Variants in OSBPL3 observed in about 807,000 individuals in gnomAD.
The protein encoded by OSBPL3 is oxysterol-binding protein-related protein 3.
Under a neutral mutation model 120.1 loss-of-function variants are expected in OSBPL3, and 65 were observed. The ratio of observed to expected loss-of-function variants is 0.54; its 90% CI spans 0.44 to 0.67. The LOEUF (loss-of-function observed/expected upper bound fraction) is 0.67, where lower values mean the gene tolerates loss of function less well. Among genes scored for constraint, OSBPL3 ranks in the 30% least tolerant of loss-of-function variants. OSBPL3 has a pLI of 0.00. For missense variants in OSBPL3, 1,004 were observed against 1,082.1 expected (o/e 0.93, Z 1.01); for synonymous variants, 416 against 402.6 (o/e 1.03, Z -0.40).
intron 19 of OSBPL3, among the ~76,000 whole-genome samples, chr7:24,811,806 A>C (rs1032017979): frequency 6.6e-6 from 1 of 152,208 alleles, no homozygotes. Flanking sequence ...CCAATTAATT[A>C]TAAATGCATG....
chr7:24,840,275 G>A (rs746190016), intron 14 of OSBPL3, among the ~76,000 whole-genome samples: 40 of 152,030 alleles, frequency 2.6e-4, no homozygotes, highest in South Asian at 2.1e-4. Flanking sequence ...CAGTCCACTC[G>A]TATGCAGGTT....
Position 24,877,577 on chromosome 7 carries a change from A to G in OSBPL3, c.97-5508T>C, listed in dbSNP as rs1803023533. 6.6e-6 allele frequency among the ~76,000 whole-genome samples: 1 copy of G among 152,116 alleles called. No individual in the cohort carries two copies. Among genetic ancestry groups the G allele is most frequent in the African/African-American group, 2.4e-5 (1 of 41,432 alleles). On this transcript the variant is annotated intron_variant, in intron 2 of 22. Coordinates refer to ENST00000313367, the MANE Select transcript of OSBPL3 (RefSeq NM_015550.4). The surrounding 1 kb of genome is among the most constrained non-coding windows in gnomAD (Gnocchi z 4.8). ...ATTTATTACAATCCTACTACCTGGG[A>G]AATAGGGGCCGAAATAAATGTTTAC...
Position 24,852,596 on chromosome 7 carries a change from C to T in OSBPL3, c.1066G>A (p.Ala356Thr). The T allele has an allele frequency of 1.2e-6, 2 of 1,608,526 alleles. No homozygotes were observed. The highest frequency in any genetic ancestry group is 2.2e-5 in the East Asian group (1 of 44,756). The part of the protein sequence containing the change: ...TLRSAFNIMS[A>T]EREKLKQLME... ...AGCTGCTTCAGTTTCTCTCTCTCCG[C>T]TGACATGATATTAAAAGCTGACCTT... Residue 356 changes from alanine to threonine, a missense_variant, in exon 11 of 23, where the codon GCG (alanine) becomes ACG (threonine). Coordinates refer to ENST00000313367, the MANE Select transcript of OSBPL3 (RefSeq NM_015550.4). The surrounding 1 kb of genome is among the most constrained non-coding windows in gnomAD (Gnocchi z 4.1).
chr7:24,804,195 G>T lies in OSBPL3; in HGVS notation c.2567+120C>A. On this transcript the variant is annotated intron_variant, in intron 22 of 22. Coordinates refer to ENST00000313367, the MANE Select transcript of OSBPL3 (RefSeq NM_015550.4). This position sits in a 1 kb window ranked among gnomAD's most constrained non-coding sequence, Gnocchi z 5.4. ...AGAGGAGCAGTACCCCCACGTGGAA[G>T]CAGGAAAAGCCTGGAGAATGCTCTT... 2 of 1,193,164 alleles carry T rather than the reference G, an allele frequency of 1.7e-6. No homozygotes were observed. The highest frequency in any genetic ancestry group is 2.4e-6 in the Non-Finnish European group (2 of 827,296). The allele number at this position is 1,193,164 out of a possible 1,614,324, so 73.9% of individuals were successfully genotyped here. A position where few individuals can be genotyped will look rare whatever the true frequency, so the allele number is the denominator to read the frequency against.
intron 1 of OSBPL3, among the ~76,000 whole-genome samples, chr7:24,902,544 T>C (rs1807193613): frequency 1.3e-5 from 2 of 152,114 alleles, no homozygotes; most frequent in Admixed American, 6.5e-5. Context: ...GCTGTGATGA[T>C]AATTTTCTAA....
Position 24,799,816 on chromosome 7 carries a change from A to AT in OSBPL3, c.*366dup, listed in dbSNP as rs949561243. ...TTCTTAATGCACCTGGGAGAGGTTG[A>AT]TTTTTTTTCTACAACATAATTTTAT... On this transcript the variant is annotated 3_prime_UTR_variant, in exon 23 of 23. Transcript: ENST00000313367. The surrounding 1 kb of genome is among the most constrained non-coding windows in gnomAD (Gnocchi z 5.3). 4 of 153,122 alleles carry AT rather than the reference A, an allele frequency of 2.6e-5. No individual in the cohort carries two copies. The highest frequency in any genetic ancestry group is 6.5e-5 in the Admixed American group (1 of 15,280). The allele number at this position is 153,122 out of a possible 1,614,324, so 9.5% of individuals were successfully genotyped here.
chr7:24,885,095 A>G (rs528667659), intron 2 of OSBPL3, among the ~76,000 whole-genome samples: 1 of 151,740 alleles, frequency 6.6e-6, no homozygotes, highest in Non-Finnish European at 1.5e-5. Context: ...ACAGGTGCAC[A>G]CCTGTAGTCC....
chr7:24,886,142 CT>C lies in OSBPL3; in HGVS notation c.96+6234del, dbSNP rs1380583838. Among the ~76,000 whole-genome samples the C allele has an allele frequency of 3.3e-5, 5 of 152,182 alleles. No homozygotes were observed. In the East Asian group the frequency reaches 5.8e-4, roughly 18 times the overall value. On this transcript the variant is annotated intron_variant, in intron 2 of 22. Coordinates refer to ENST00000313367, the MANE Select transcript of OSBPL3 (RefSeq NM_015550.4). ...AATCTACACTTACTGAATGTTTCCC[CT>C]ATGCTAGTCTAGATGCTTCTTATTT...
At position 24,804,133 on chromosome 7, in the gene OSBPL3, G is replaced by C. The variant is rs776909889; in HGVS notation, c.2567+182C>G. Among the ~76,000 whole-genome samples, 1 of 152,180 alleles carries C rather than the reference G, an allele frequency of 6.6e-6. No individual in the cohort carries two copies. The highest frequency in any genetic ancestry group is 1.5e-5 in the Non-Finnish European group (1 of 68,028). ...TCCTGTCTGAAGTCAGCAAGAGGGA[G>C]AGCCTGAAGGTAAGTGCGGGGGACA... is the stretch of plus-strand genomic sequence containing the variant. On this transcript the variant is annotated intron_variant, in intron 22 of 22. Coordinates refer to ENST00000313367, the MANE Select transcript of OSBPL3 (RefSeq NM_015550.4). This position sits in a 1 kb window ranked among gnomAD's most constrained non-coding sequence, Gnocchi z 5.4.
At chr7:24,956,841 T>A (rs534804819) in intron 1 of OSBPL3, among the ~76,000 whole-genome samples, 1 of 152,358 alleles carries the variant, frequency 6.6e-6, no homozygotes, top group East Asian at 1.9e-4. Context: ...ATTAATTTCT[T>A]CTCATGGAGT....
Position 24,834,568 on chromosome 7 carries a change from G to C in OSBPL3, c.1664C>G (p.Thr555Arg). 6.2e-7 allele frequency: 1 copy of C among 1,614,194 alleles called. No individual in the cohort carries two copies. Reference sequence around the variant, plus strand: ...CAGCTCCTCGCAGAGCCTCTGCAGCGTGTTCAGGGGCTCGTTCAGCTCCAC... The same window carrying C: ...CAGCTCCTCGCAGAGCCTCTGCAGCCTGTTCAGGGGCTCGTTCAGCTCCAC... Reference protein sequence around the residue: ...MPVELNEPLNTLQRLCEELEY... With the variant: ...MPVELNEPLNRLQRLCEELEY... The change falls in exon 15 of 23, where the codon ACG becomes AGG. Residue 555 changes from threonine to arginine, a missense_variant. Thr to Arg is a moderately conservative substitution (Grantham distance 71). This residue lies in a region of OSBPL3 where 473 missense variants were observed against 568.0 expected (regional missense o/e 0.83). Transcript: ENST00000313367. The surrounding 1 kb of genome is among the most constrained non-coding windows in gnomAD (Gnocchi z 5.2).
chr7:24,866,355 C>T, intron 5 of OSBPL3, 118 bp from the exon 6 acceptor site: 2 of 769,966 alleles, frequency 2.6e-6, no homozygotes, highest in Non-Finnish European at 4.4e-6. Context: ...GTAATTTCAA[C>T]AGCCAGGCGC....
rs1391450830 is a variant in OSBPL3 at position 24,854,521 on chromosome 7, CACACACACACACACACAA to C, written c.1028-1905_1028-1888del. Among the ~76,000 whole-genome samples, 17 of 149,820 alleles carry C rather than the reference CACACACACACACACACAA, an allele frequency of 1.1e-4. No homozygotes were observed. Among genetic ancestry groups the C allele is most frequent in the South Asian group, 1.1e-3 (5 of 4,542 alleles). On this transcript the variant is annotated intron_variant, in intron 10 of 22. Coordinates refer to ENST00000313367, the MANE Select transcript of OSBPL3 (RefSeq NM_015550.4). The surrounding 1 kb of genome is among the most constrained non-coding windows in gnomAD (Gnocchi z 4.1). ...ACACACGCACACACACACACACACACACACACACACACACACAAACACACACAATGGTGCTGCCTCTGC... is the reference window on the plus strand; with the variant it reads ...ACACACGCACACACACACACACACACACACACACAATGGTGCTGCCTCTGC...
chr7:24,892,609 G>A lies in OSBPL3; in HGVS notation c.-137C>T. On this transcript the variant is annotated 5_prime_UTR_variant, in exon 2 of 23. Transcript: ENST00000313367. ...AAAAAACATTTTGGGTGGCCCAAAG[G>A]AAACCCTAAAACCTAAAAAAGAGAA... The A allele has an allele frequency of 7.2e-7, 1 of 1,390,930 alleles. No individual in the cohort carries two copies. Among genetic ancestry groups the A allele is most frequent in the African/African-American group, 1.4e-5 (1 of 69,624 alleles). The allele number at this position is 1,390,930 out of a possible 1,614,324, so 86.2% of individuals were successfully genotyped here. A position where few individuals can be genotyped will look rare whatever the true frequency, so the allele number is the denominator to read the frequency against.
Position 24,872,040 on chromosome 7 carries a change from CCT to C in OSBPL3, c.124_125del (p.Arg42GlyfsTer29). The C allele has an allele frequency of 6.2e-7, 1 of 1,613,608 alleles. No homozygotes were observed. Among genetic ancestry groups the C allele is most frequent in the Admixed American group, 1.7e-5 (1 of 60,016 alleles). The stretch of plus-strand genomic sequence containing the variant: ...GCTCCTGGGTGTAATTCATCTCCCC[CCT>C]CAGTCCTTCCACCACTTCCCAGCTG... ...QDSWEVVEGL[R>X]GEMNYTQEPP... On this transcript the variant is annotated frameshift_variant, in exon 3 of 23. Coordinates refer to ENST00000313367, the MANE Select transcript of OSBPL3 (RefSeq NM_015550.4). LOFTEE classifies it high-confidence loss of function. The surrounding 1 kb of genome is among the most constrained non-coding windows in gnomAD (Gnocchi z 4.1).
Position 24,923,642 on chromosome 7 carries a change from C to T in OSBPL3, c.-149-31021G>A, listed in dbSNP as rs113285641. Among the ~76,000 whole-genome samples the T allele has an allele frequency of 5.2e-3, 799 of 152,256 alleles. 9 individuals are homozygous for T. The highest frequency in any genetic ancestry group is 0.018 in the African/African-American group (761 of 41,516). ...CCAGAGAAATACAGAGTGTGAGGCA[C>T]AGAGACAGGCAGACAGACAGCACGC... On this transcript the variant is annotated intron_variant, in intron 1 of 22. Coordinates refer to ENST00000313367, the MANE Select transcript of OSBPL3 (RefSeq NM_015550.4).
At position 24,863,579 on chromosome 7, in the gene OSBPL3, A is replaced by G. The variant is rs1201250366; in HGVS notation, c.694T>C (p.Tyr232His). The G allele has an allele frequency of 1.9e-6, 3 of 1,613,816 alleles. No individual in the cohort carries two copies. The highest frequency in any genetic ancestry group is 1.7e-6 in the Non-Finnish European group (2 of 1,179,656). The change falls in exon 8 of 23, where the codon TAC becomes CAC. Residue 232 changes from tyrosine (Y) to histidine (H), a missense_variant. Tyr to His is a moderately conservative substitution (Grantham distance 83, BLOSUM62 2). Coordinates refer to ENST00000313367, the MANE Select transcript of OSBPL3 (RefSeq NM_015550.4). This position sits in a 1 kb window ranked among gnomAD's most constrained non-coding sequence, Gnocchi z 5.8. The part of the protein sequence containing the change: ...CSKDLAHCHA[Y>H]LVEMSQLLQS... ...AGGAGCTGGCTCATTTCTACCAGGT[A>G]GGCATGACAGTGCGCCAGGTCTGTG...
At chr7:24,934,274 C>T (rs11981395) in intron 1 of OSBPL3, among the ~76,000 whole-genome samples, 3,273 of 152,212 alleles carry the variant, frequency 0.022, 55 homozygotes, top group Middle Eastern at 0.054. Flanking sequence ...AGCAATAACC[C>T]TTTCATTATA....
chr7:24,945,514 A>T (rs1813616417), intron 1 of OSBPL3, among the ~76,000 whole-genome samples: 1 of 152,250 alleles, frequency 6.6e-6, no homozygotes, highest in African/African-American at 2.4e-5. Flanking sequence ...CACTCACTAA[A>T]TACTTGTTGA....
Sources: allele counts gnomAD v4.1 joint callset (sites outside exome capture counted in the v4.1 genomes callset), GRCh38; gene constraint gnomAD v4.1.1; regional missense constraint gnomAD v4.1.1; non-coding constraint Gnocchi (gnomAD v3.1); transcripts MANE v1.5; gene names NCBI Gene and HGNC (gene_info 2026-07-23, HGNC 2026-07-21).